CDC42BPG: variants seen among roughly 807,000 people sequenced by gnomAD.
CDC42BPG encodes serine/threonine-protein kinase MRCK gamma.
In CDC42BPG, 157 loss-of-function variants were observed where a neutral mutation model predicts 192.2. The ratio of observed to expected loss-of-function variants is 0.82; its 90% CI spans 0.72 to 0.93. The LOEUF is 0.93. CDC42BPG is among the 40% of genes least tolerant of loss of function. CDC42BPG has a pLI of 0.00. For synonymous variants in CDC42BPG, 981 were observed against 918.5 expected, an observed-to-expected ratio of 1.07 and a Z score of -1.23; for missense variants, 1,992 against 2,122.1, an observed-to-expected ratio of 0.94 and a Z score of 1.20.
At chr11:64,841,627 G>A in intron 3 of CDC42BPG, 23 bp downstream of exon 3, 1 of 1,607,142 alleles carries the variant, frequency 6.2e-7, no homozygotes, top group Non-Finnish European at 8.5e-7. Flanking sequence ...GGTGCCCAAG[G>A]GCCCCCCAGA....
rs1943025878 is a variant in CDC42BPG at position 64,836,719 on chromosome 11, G to GGGGGGGGGGGGAA, written c.1384+19_1384+20insTTCCCCCCCCCCC. The GGGGGGGGGGGGAA allele has an allele frequency of 3.6e-6, 3 of 842,180 alleles. No homozygotes were observed. Among genetic ancestry groups the GGGGGGGGGGGGAA allele is most frequent in the African/African-American group, 2.0e-5 (1 of 50,216 alleles). 52.2% of individuals were successfully genotyped at this position (842,180 alleles called of 1,614,324 possible). A position where few individuals can be genotyped will look rare whatever the true frequency, so the allele number is the denominator to read the frequency against. On this transcript the variant is annotated intron_variant, in intron 11 of 36. Coordinates refer to ENST00000342711, the MANE Select transcript of CDC42BPG (RefSeq NM_017525.3). ...GGGACTCAGCCCTGGGGGGGGGGGG[G>GGGGGGGGGGGGAA]GGGTGGGCGGAAGGGATACCTGGCA...
rs770450107 is a variant in CDC42BPG, at chr11:64,835,097, C to T, written c.2010G>A (p.Arg670=). Residue 670 remains arginine, a synonymous_variant, in exon 17 of 37, where the codon CGG becomes CGA. Transcript: ENST00000342711. ...QESKQRLEGE[R]RETESNWEAQ... The stretch of plus-strand genomic sequence containing the variant: ...CCTCCCAGTTGCTCTCCGTCTCCCG[C>T]CGCTCACCCTCCAGCCGCTGCTTGC... The T allele has an allele frequency of 2.5e-6, 4 of 1,602,204 alleles. No individual in the cohort carries two copies. Among genetic ancestry groups the T allele is most frequent in the Admixed American group, 1.7e-5 (1 of 59,960 alleles).
At position 64,841,916 on chromosome 11, in the gene CDC42BPG, C is replaced by T; in HGVS notation, c.161-12G>A. 1.3e-6 allele frequency: 2 copies of T among 1,580,828 alleles called. No homozygotes were observed. The highest frequency in any genetic ancestry group is 1.7e-6 in the Non-Finnish European group (2 of 1,161,440). ...TACGAAGGGGCTGGCTGAGGGGACA[C>T]AGGGCGGGACTCAGAGTGCAGGGAG... On this transcript the variant is annotated splice_polypyrimidine_tract_variant and intron_variant, in intron 1 of 36. Coordinates refer to ENST00000342711, the MANE Select transcript of CDC42BPG (RefSeq NM_017525.3).
Position 64,834,215 on chromosome 11 carries a change from G to A in CDC42BPG, c.2413+51C>T, listed in dbSNP as rs1942855143. The stretch of plus-strand genomic sequence containing the variant: ...CATCGTGGAGCCCCCTTGGCAAGTG[G>A]GAGGCCGCGGGGGAGCCTGGCTCCG... On this transcript the variant is annotated intron_variant, in intron 20 of 36. Transcript: ENST00000342711. The A allele has an allele frequency of 3.3e-6, 5 of 1,510,896 alleles. No individual in the cohort carries two copies. The African/African-American group carries it at 4.1e-5, about 13-fold the overall frequency. The allele number at this position is 1,510,896 out of a possible 1,614,324, so 93.6% of individuals were successfully genotyped here. A position where few individuals can be genotyped will look rare whatever the true frequency, so the allele number is the denominator to read the frequency against.
rs1351040333 is a variant in CDC42BPG, at chr11:64,835,085, C to T, written c.2022G>A (p.Glu674=). 2.0e-6 allele frequency: 3 copies of T among 1,520,236 alleles called. No individual in the cohort carries two copies. Among genetic ancestry groups the T allele is most frequent in the Non-Finnish European group, 2.7e-6 (3 of 1,129,972 alleles). The allele number at this position is 1,520,236 out of a possible 1,614,324, so 94.2% of individuals were successfully genotyped here. A position where few individuals can be genotyped will look rare whatever the true frequency, so the allele number is the denominator to read the frequency against. ...CGGCGAGCTGGGCCTCCCAGTTGCT[C>T]TCCGTCTCCCGCCGCTCACCCTCCA... is the stretch of plus-strand genomic sequence containing the variant. ...QRLEGERRET[E]SNWEAQLADI... is the part of the protein sequence containing the mutation. Residue 674 remains glutamate, a synonymous_variant, in exon 17 of 37, where the codon GAG becomes GAA. Transcript: ENST00000342711.
chr11:64,839,249 G>A lies in CDC42BPG; in HGVS notation c.676-16C>T, dbSNP rs1309844625. The A allele has an allele frequency of 2.5e-6, 4 of 1,612,662 alleles. No individual in the cohort carries two copies. Among genetic ancestry groups the A allele is most frequent in the Non-Finnish European group, 3.4e-6 (4 of 1,179,852 alleles). On this transcript the variant is annotated splice_polypyrimidine_tract_variant and intron_variant, in intron 6 of 36. Transcript: ENST00000342711. ...ATGAATCCACCTGTGGGTGGTGGTGGTGAAGCCATGAGGACAGCTTTGGGC... is the reference window on the plus strand; with the variant it reads ...ATGAATCCACCTGTGGGTGGTGGTGATGAAGCCATGAGGACAGCTTTGGGC...
In CDC42BPG at chr11:64,832,888, G is replaced by C; in HGVS notation, c.2803C>G (p.Arg935Gly). The change falls in exon 25 of 37, where the codon CGC becomes GGC. Residue 935 changes from arginine (R) to glycine (G), a missense_variant. Physicochemically the swap from Arg to Gly is moderately radical, Grantham distance 125. Coordinates refer to ENST00000342711, the MANE Select transcript of CDC42BPG (RefSeq NM_017525.3). ...TCGGGGTGTACTCCCAGGGCTGTGC[G>C]GAGGAGGTCAGGGGGCACGGGGCAG... is the stretch of plus-strand genomic sequence containing the variant. The part of the protein sequence containing the change: ...PPCPVPPDLL[R>G]TALGVHPETG... 6.4e-7 allele frequency: 1 copy of C among 1,556,372 alleles called. No individual in the cohort carries two copies. The highest frequency in any genetic ancestry group is 8.7e-7 in the Non-Finnish European group (1 of 1,150,006).
chr11:64,833,058 G>A (rs1479500744), intron 24 of CDC42BPG, 99 bp from the exon 25 acceptor site: 30 of 1,405,744 alleles, frequency 2.1e-5, no homozygotes, highest in South Asian at 7.1e-5. Flanking sequence ...CTGAAGCCAC[G>A]GTGGCACCCG....
In CDC42BPG at chr11:64,827,097, G is replaced by GTAC. The variant is rs762324157; in HGVS notation, c.4339_4341dup (p.Val1447dup). On this transcript the variant is annotated inframe_insertion, in exon 34 of 37. Coordinates refer to ENST00000342711, the MANE Select transcript of CDC42BPG (RefSeq NM_017525.3). ...GGCCGCCCGTTGGCAGGGCCCACGTGTACTAGGTGGTTGAAGTTGGTAGGC... is the reference window on the plus strand; with the variant it reads ...GGCCGCCCGTTGGCAGGGCCCACGTGTACTACTAGGTGGTTGAAGTTGGTAGGC... 2 of 1,614,022 alleles carry GTAC rather than the reference G, an allele frequency of 1.2e-6. No individual in the cohort carries two copies. The highest frequency in any genetic ancestry group is 2.2e-5 in the South Asian group (2 of 91,084).
At chr11:64,841,561 GC>G (rs959289118) in intron 3 of CDC42BPG, 88 bp downstream of exon 3, 284 of 934,866 alleles carry the variant, frequency 3.0e-4, no homozygotes, top group South Asian at 4.3e-4. Context: ...AGCCTTGCCC[GC>G]CCCCCCCGCG....
In CDC42BPG at chr11:64,836,103, C is replaced by A. The variant is rs1240619946; in HGVS notation, c.1668+14G>T. 6.9e-6 allele frequency: 11 copies of A among 1,591,140 alleles called. No homozygotes were observed. Among genetic ancestry groups the A allele is most frequent in the Non-Finnish European group, 9.4e-6 (11 of 1,170,902 alleles). On this transcript the variant is annotated intron_variant, in intron 13 of 36. Transcript: ENST00000342711. ...AGGGCCCAGGTGCTGTCCCTACCCA[C>A]CCTGGTCACTCACCTCCCTCTGGGC... is the stretch of plus-strand genomic sequence containing the variant.
At position 64,840,536 on chromosome 11, in the gene CDC42BPG, C is replaced by T; in HGVS notation, c.432+17G>A. 1.2e-6 allele frequency: 2 copies of T among 1,611,826 alleles called. No homozygotes were observed. The highest frequency in any genetic ancestry group is 1.1e-5 in the South Asian group (1 of 91,062). ...GTCCCTAGGATGTTCCCCTCCAGCC[C>T]CGCCACGTATCCTCACCAGGTACTC... On this transcript the variant is annotated intron_variant, in intron 4 of 36. Transcript: ENST00000342711.
intron 3 of CDC42BPG, among the ~76,000 whole-genome samples, 182 bp downstream of exon 3, chr11:64,841,468 T>A (rs950517816): frequency 4.6e-5 from 7 of 151,010 alleles, no homozygotes; most frequent in East Asian, 1.9e-4. Flanking sequence ...AAAAAAAAAA[T>A]TTAAAAAATT....
At chr11:64,827,890 TCCTC>T in intron 30 of CDC42BPG, 107 bp from the exon 31 acceptor site, 1 of 916,336 alleles carries the variant, frequency 1.1e-6, no homozygotes, top group East Asian at 2.7e-5. Flanking sequence ...CTAAGGTCCT[TCCTC>T]TGAAGACTCC....
chr11:64,834,503 C>T lies in CDC42BPG; in HGVS notation c.2250G>A (p.Glu750=), dbSNP rs775690153. 1 of 1,577,842 alleles carries T rather than the reference C, an allele frequency of 6.3e-7. No individual in the cohort carries two copies. Among genetic ancestry groups the T allele is most frequent in the African/African-American group, 1.3e-5 (1 of 74,250 alleles). The change falls in exon 19 of 37, where the codon GAG becomes GAA. Residue 750 remains glutamate, a synonymous_variant. Coordinates refer to ENST00000342711, the MANE Select transcript of CDC42BPG (RefSeq NM_017525.3). Reference sequence around the variant, plus strand: ...GGCCCTGCTTGGCGCGGATCTCGGCCTCCAGCGCTGACTGCAGCTCCAGCC... The same window carrying T: ...GGCCCTGCTTGGCGCGGATCTCGGCTTCCAGCGCTGACTGCAGCTCCAGCC... The part of the protein sequence containing the change: ...SARLELQSAL[E]AEIRAKQGLQ...
rs775414302 is a variant in CDC42BPG, at chr11:64,841,657, C to G, written c.329G>C (p.Arg110Thr). ...CCCAGACTCCACACTGACCTCAGCCCTCTTCAGCATCTCCCACTTGTGCAG... is the reference window on the plus strand; with the variant it reads ...CCCAGACTCCACACTGACCTCAGCCGTCTTCAGCATCTCCCACTTGTGCAG... ...KMLHKWEMLKRAETACFREER... is the reference protein window; with the variant it reads ...KMLHKWEMLKTAETACFREER... Residue 110 changes from arginine to threonine, a missense_variant, in exon 3 of 37, where the codon AGG becomes ACG. Around this residue, in one of 2 missense-constraint regions of CDC42BPG, gnomAD observed 1,656 missense variants for 1,844.3 expected, o/e 0.90. Coordinates refer to ENST00000342711, the MANE Select transcript of CDC42BPG (RefSeq NM_017525.3). 13 of 1,613,534 alleles carry G rather than the reference C, an allele frequency of 8.1e-6. No homozygotes were observed. Among genetic ancestry groups the G allele is most frequent in the Non-Finnish European group, 1.1e-5 (13 of 1,179,880 alleles).
rs1390165442 is a variant in CDC42BPG, at chr11:64,840,631, C to T, written c.354G>A (p.Glu118=). 5.6e-6 allele frequency: 9 copies of T among 1,613,754 alleles called. No homozygotes were observed. Among genetic ancestry groups the T allele is most frequent in the Non-Finnish European group, 5.9e-6 (7 of 1,180,026 alleles). The change falls in exon 4 of 37, where the codon GAG becomes GAA. Residue 118 remains glutamate (E), a synonymous_variant. Coordinates refer to ENST00000342711, the MANE Select transcript of CDC42BPG (RefSeq NM_017525.3). ...CCCCTTTCACGAGCACATCCCGCTC[C>T]TCCCGGAAACAGGCTGTCTGCAGCA... ...LKRAETACFR[E]ERDVLVKGDS... is the part of the protein sequence containing the mutation.
rs770357200 is a variant in CDC42BPG at position 64,836,715 on chromosome 11, G to GT, written c.1384+23_1384+24insA. The GT allele has an allele frequency of 2.6e-5, 23 of 870,668 alleles. 1 individual carries two copies. The highest frequency in any genetic ancestry group is 1.0e-4 in the South Asian group (6 of 58,552). The allele number at this position is 870,668 out of a possible 1,614,324, so 53.9% of individuals were successfully genotyped here. A position where few individuals can be genotyped will look rare whatever the true frequency, so the allele number is the denominator to read the frequency against. ...AGGTGGGACTCAGCCCTGGGGGGGG[G>GT]GGGGGGGTGGGCGGAAGGGATACCT... On this transcript the variant is annotated intron_variant, in intron 11 of 36. Transcript: ENST00000342711.
At chr11:64,831,253 C>T (rs919219877) in intron 28 of CDC42BPG, among the ~76,000 whole-genome samples, 2 of 152,088 alleles carry the variant, frequency 1.3e-5, no homozygotes, top group Non-Finnish European at 2.9e-5. Context: ...GCCTTTGTTC[C>T]TTCCACTTGC....
Sources: allele counts gnomAD v4.1 joint callset (sites outside exome capture counted in the v4.1 genomes callset), GRCh38; gene constraint gnomAD v4.1.1; regional missense constraint gnomAD v4.1.1; transcripts MANE v1.5; gene names NCBI Gene and HGNC (gene_info 2026-07-23, HGNC 2026-07-21).